The following ZFHX4 variants were observed in gnomAD, a reference collection of about 807,000 sequenced individuals.
ZFHX4 encodes the protein zinc finger homeobox 4.
A neutral mutation model predicts 267.6 loss-of-function variants in ZFHX4; 56 were observed. That is an observed-to-expected ratio of 0.21 (90% CI 0.17 to 0.26). The LOEUF (loss-of-function observed/expected upper bound fraction) is 0.26. ZFHX4 is among the 10% of genes least tolerant of loss of function. ZFHX4 has a pLI of 1.00. For synonymous variants in ZFHX4, 1,778 were observed against 1,665.6 expected, an observed-to-expected ratio of 1.07 and a Z score of -1.64; for missense variants, 4,332 against 4,420.0, an observed-to-expected ratio of 0.98 and a Z score of 0.56.
At chr8:76,859,778 T>C (rs560540184) in intron 10 of ZFHX4, among the ~76,000 whole-genome samples, 3 of 152,220 alleles carry the variant, frequency 2.0e-5, no homozygotes, top group Admixed American at 2.0e-4. Flanking sequence ...TACATAATTA[T>C]TTTCATTTCC....
intron 4 of ZFHX4, among the ~76,000 whole-genome samples, chr8:76,805,381 T>TA (rs1432375238): frequency 1.3e-5 from 2 of 152,128 alleles, no homozygotes; most frequent in African/African-American, 4.8e-5. Context: ...AGAAATCAGA[T>TA]CATAAAGGAC....
At chr8:76,847,780 C>G (rs529349387) in intron 6 of ZFHX4, among the ~76,000 whole-genome samples, 2 of 151,522 alleles carry the variant, frequency 1.3e-5, no homozygotes, top group Non-Finnish European at 2.9e-5. Flanking sequence ...CATCCTTGAC[C>G]TTATTTCTAA....
rs200366146 is a variant in ZFHX4, at chr8:76,863,435, A to G, written c.9721A>G (p.Ile3241Val). The G allele has an allele frequency of 1.8e-4, 294 of 1,613,958 alleles. 1 individual carries two copies. In the African/African-American group the frequency reaches 3.2e-3, roughly 18 times the overall value. The change falls in exon 11 of 11, where the codon ATT becomes GTT. Residue 3241 changes from isoleucine to valine, a missense_variant. Around this residue, in one of 7 missense-constraint regions of ZFHX4, gnomAD observed 1,648 missense variants for 1,625.0 expected, o/e 1.01. Transcript: ENST00000651372. ...TGTAGGTGAAACACATGTCGATCCT[A>G]TTCAGTTGCAGGCATTACAGAATGC... ...KVVGETHVDP[I>V]QLQALQNAIA...
Position 76,864,338 on chromosome 8 carries a change from C to T in ZFHX4, c.10624C>T (p.Pro3542Ser), listed in dbSNP as rs769404933. The T allele has an allele frequency of 3.7e-6, 6 of 1,613,830 alleles. No homozygotes were observed. Among genetic ancestry groups the T allele is most frequent in the Non-Finnish European group, 5.1e-6 (6 of 1,179,848 alleles). Residue 3542 changes from proline to serine, a missense_variant, in exon 11 of 11, where the codon CCT becomes TCT. Transcript: ENST00000651372. ...GTCTGCCAGGAGAGCTGCTTCTCCC[C>T]CTTCTTCTCCTCCTTCCCTTTCCTT... ...QASARRAASP[P>S]SSPPSLSLPS...
intron 3 of ZFHX4, among the ~76,000 whole-genome samples, chr8:76,774,533 A>G (rs1268376279): frequency 6.6e-6 from 1 of 152,044 alleles, no homozygotes; most frequent in Non-Finnish European, 1.5e-5. Flanking sequence ...TGCTTTTGTT[A>G]TTTTTCCATG....
intron 1 of ZFHX4, among the ~76,000 whole-genome samples, chr8:76,687,184 T>A (rs540668587): frequency 6.6e-6 from 1 of 152,358 alleles, no homozygotes; most frequent in South Asian, 2.1e-4. Context: ...TAACTAGCTA[T>A]CTAATTTAAC....
At chr8:76,823,043 C>A (rs1240216581) in intron 4 of ZFHX4, among the ~76,000 whole-genome samples, 1 of 151,876 alleles carries the variant, frequency 6.6e-6, no homozygotes, top group East Asian at 1.9e-4. Flanking sequence ...CATTTCTTTT[C>A]TCTCCAGTGA....
At chr8:76,849,399 A>G in intron 7 of ZFHX4, 113 bp from the exon 8 acceptor site, 1 of 1,002,940 alleles carries the variant, frequency 1.0e-6, no homozygotes. Context: ...TTTGATTATT[A>G]CACATTGTAA....
chr8:76,756,335 T>G (rs1419401893), intron 3 of ZFHX4, among the ~76,000 whole-genome samples: 1 of 152,186 alleles, frequency 6.6e-6, no homozygotes, highest in Non-Finnish European at 1.5e-5. Flanking sequence ...AATTTCACTT[T>G]TAAAAAGGTA....
intron 4 of ZFHX4, among the ~76,000 whole-genome samples, chr8:76,826,208 A>G (rs1811781592): frequency 6.6e-6 from 1 of 152,182 alleles, no homozygotes; most frequent in Non-Finnish European, 1.5e-5. Flanking sequence ...GACTCTTTTA[A>G]ACAACCACAT....
At chr8:76,746,266 G>T (rs545429112) in intron 3 of ZFHX4, among the ~76,000 whole-genome samples, 1 of 152,226 alleles carries the variant, frequency 6.6e-6, no homozygotes, top group East Asian at 1.9e-4. Context: ...AATTAGCTGG[G>T]TATGGTTGTG....
intron 5 of ZFHX4, among the ~76,000 whole-genome samples, chr8:76,838,033 T>C (rs1210911540): frequency 6.6e-6 from 1 of 152,236 alleles, no homozygotes; most frequent in Admixed American, 6.5e-5. Context: ...TTTTCATAGA[T>C]GTTGAAACTG....
At position 76,705,063 on chromosome 8, in the gene ZFHX4, T is replaced by G. The variant is rs753830045; in HGVS notation, c.975T>G (p.Ile325Met). 2.5e-6 allele frequency: 4 copies of G among 1,613,928 alleles called. No individual in the cohort carries two copies. The highest frequency in any genetic ancestry group is 1.6e-4 in the Middle Eastern group (1 of 6,062). The change falls in exon 2 of 11, where the codon ATT (isoleucine) becomes ATG (methionine). Residue 325 changes from isoleucine (I) to methionine (M), a missense_variant. By Grantham distance (10) the Ile-to-Met change is conservative. This residue lies in a region of ZFHX4 where 1,195 missense variants were observed against 1,173.6 expected (regional missense o/e 1.02). Coordinates refer to ENST00000651372, the MANE Select transcript of ZFHX4 (RefSeq NM_024721.5). ...GCGTCTCCGCCATAATACAGGGGAT[T>G]GGCAAAGACAAAGAACCTCTTATAA... The part of the protein sequence containing the change: ...NKCVSAIIQG[I>M]GKDKEPLISF...
intron 3 of ZFHX4, among the ~76,000 whole-genome samples, chr8:76,773,855 C>T (rs2871846): frequency 0.043 from 6,554 of 152,106 alleles, 274 homozygotes; most frequent in East Asian, 0.22. Context: ...ATTGTATGCC[C>T]TCTTTCTCAG....
chr8:76,829,872 C>T (rs191597327), intron 4 of ZFHX4, among the ~76,000 whole-genome samples: 4 of 152,074 alleles, frequency 2.6e-5, no homozygotes, highest in African/African-American at 7.2e-5. Context: ...GTAGATGTAA[C>T]CATTTGGGTT....
intron 3 of ZFHX4, among the ~76,000 whole-genome samples, chr8:76,775,659 C>T (rs1210577766): frequency 6.6e-6 from 1 of 152,140 alleles, no homozygotes; most frequent in Non-Finnish European, 1.5e-5. Flanking sequence ...TTAACCGGCT[C>T]ACACCTGCAG....
At chr8:76,749,523 A>G (rs1809560619) in intron 3 of ZFHX4, among the ~76,000 whole-genome samples, 2 of 152,178 alleles carry the variant, frequency 1.3e-5, no homozygotes, top group East Asian at 1.9e-4. Context: ...TTGTTGCTTG[A>G]CTAGCTGCCT....
At chr8:76,725,220 G>T (rs1199080354) in intron 3 of ZFHX4, among the ~76,000 whole-genome samples, 1 of 151,972 alleles carries the variant, frequency 6.6e-6, no homozygotes, top group Non-Finnish European at 1.5e-5. Context: ...AATAAATATG[G>T]TACACAATCT....
intron 4 of ZFHX4, among the ~76,000 whole-genome samples, chr8:76,789,486 C>A (rs1810779066): frequency 6.6e-6 from 1 of 152,116 alleles, no homozygotes; most frequent in African/African-American, 2.4e-5. Flanking sequence ...TAAATGACTG[C>A]AGAATCTCAT....
Sources: allele counts gnomAD v4.1 joint callset (sites outside exome capture counted in the v4.1 genomes callset), GRCh38; gene constraint gnomAD v4.1.1; regional missense constraint gnomAD v4.1.1; transcripts MANE v1.5; gene names NCBI Gene and HGNC (gene_info 2026-07-23, HGNC 2026-07-21).